The following THBS2 variants were observed in gnomAD, a reference collection of about 807,000 sequenced individuals.
The protein encoded by THBS2 is thrombospondin 2.
Under a neutral mutation model 135.2 loss-of-function variants are expected in THBS2, and 47 were observed. That is an observed-to-expected ratio of 0.35 (90% confidence interval 0.28 to 0.44). The LOEUF is 0.44. Among genes scored for constraint, THBS2 ranks in the 20% least tolerant of loss-of-function variants. The probability of loss-of-function intolerance (pLI) is 1.00; values close to 1 mark genes in which losing one functional copy is unlikely to be tolerated. For synonymous variants in THBS2, 639 were observed against 633.8 expected (o/e 1.01, Z -0.12); for missense variants, 1,288 against 1,603.1 (o/e 0.80, Z 3.36).
At chr6:169,218,587 A>ATGGGTGGGTGTG (rs1394605655) in intron 21 of THBS2, among the ~76,000 whole-genome samples, 2 of 91,502 alleles carry the variant, frequency 2.2e-5, no homozygotes, top group African/African-American at 8.7e-5. Context: ...GATGGATGAG[A>ATGGGTGGGTGTG]TGGGTGGGTG....
chr6:169,228,219 G>A lies in THBS2; in HGVS notation c.2322C>T (p.Asp774=), dbSNP rs1779711128. 1 of 1,614,094 alleles carries A rather than the reference G, an allele frequency of 6.2e-7. No individual in the cohort carries two copies. Among genetic ancestry groups the A allele is most frequent in the South Asian group, 1.1e-5 (1 of 91,096 alleles). ...QADYDKDEVG[D]RCDNCPYVHN... ...GCACGTAAGGGCAGTTGTCACAGCG[G>A]TCCCCAACCTCATCCTTGTCATAGT... Residue 774 remains aspartate (D), a synonymous_variant, in exon 15 of 22, where the codon GAC becomes GAT. Coordinates refer to ENST00000617924, the MANE Select transcript of THBS2 (RefSeq NM_003247.5).
intron 9 of THBS2, 99 bp from the exon 10 acceptor site, chr6:169,235,006 C>T: frequency 1.7e-6 from 2 of 1,199,156 alleles, no homozygotes; most frequent in East Asian, 2.6e-5. Context: ...ACATGGTGTT[C>T]CCTACACAGC....
At chr6:169,244,164 GT>G (rs34458367) in intron 4 of THBS2, among the ~76,000 whole-genome samples, 38,331 of 119,890 alleles carry the variant, frequency 0.32, 4,091 homozygotes, top group East Asian at 0.48. Context: ...ATTTCTCTGT[GT>G]TTTTTTTTTT....
intron 8 of THBS2, 96 bp downstream of exon 8, chr6:169,237,529 G>C (rs769109570): frequency 1.3e-6 from 2 of 1,563,986 alleles, no homozygotes; most frequent in Non-Finnish European, 1.7e-6. Context: ...CCAGCACCTC[G>C]TGAGGGCAGC....
At chr6:169,243,022 T>TC (rs1780406744) in intron 4 of THBS2, among the ~76,000 whole-genome samples, 1 of 90,754 alleles carries the variant, frequency 1.1e-5, no homozygotes. Flanking sequence ...CATTCCCACC[T>TC]TCCCACCTTC....
chr6:169,222,427 A>C lies in THBS2; in HGVS notation c.3043T>G (p.Tyr1015Asp). 1.9e-6 allele frequency: 3 copies of C among 1,613,816 alleles called. No homozygotes were observed. The highest frequency in any genetic ancestry group is 8.5e-7 in the Non-Finnish European group (1 of 1,180,028). Residue 1015 changes from tyrosine to aspartate, a missense_variant, in exon 19 of 22, where the codon TAC (tyrosine) becomes GAC (aspartate). Around this residue, in one of 2 missense-constraint regions of THBS2, gnomAD observed 874 missense variants for 1,156.1 expected, o/e 0.76. Transcript: ENST00000617924. ...TCGTCGTCCCGGTCAGTGTTTACGT[A>C]GAATGTGCCACTGAAGTCCACAGAC... ...FGSVDFSGTF[Y>D]VNTDRDDDYA...
intron 21 of THBS2, 35 bp downstream of exon 21, chr6:169,220,163 T>A (rs370390127): frequency 6.2e-7 from 1 of 1,601,956 alleles, no homozygotes; most frequent in Non-Finnish European, 8.5e-7. Context: ...GGGTGCCACA[T>A]GCCTTCCCCA....
At chr6:169,227,753 G>T (rs1779690578) in intron 15 of THBS2, among the ~76,000 whole-genome samples, 1 of 152,086 alleles carries the variant, frequency 6.6e-6, no homozygotes, top group Non-Finnish European at 1.5e-5. Flanking sequence ...AATAAAACAT[G>T]AAACTTGCCA....
intron 13 of THBS2, 120 bp downstream of exon 13, chr6:169,231,860 G>T: frequency 1.0e-6 from 1 of 957,200 alleles, no homozygotes; most frequent in Non-Finnish European, 1.5e-6. Flanking sequence ...CAAGAGGCCT[G>T]AGAGACCCTC....
chr6:169,243,458 C>T lies in THBS2; in HGVS notation c.695-1500G>A, dbSNP rs150471026. On this transcript the variant is annotated intron_variant, in intron 4 of 21. Coordinates refer to ENST00000617924, the MANE Select transcript of THBS2 (RefSeq NM_003247.5). ...CATCTTTGAAATGCCTGACTTCTCT[C>T]GGACAGTCCATTATTGAGGAAAGAC... 3.5e-3 allele frequency among the ~76,000 whole-genome samples: 534 copies of T among 152,316 alleles called. 2 individuals carry two copies. The highest frequency in any genetic ancestry group is 5.6e-3 in the Non-Finnish European group (380 of 68,032).
chr6:169,223,947 C>T (rs761571889), intron 17 of THBS2, among the ~76,000 whole-genome samples: 20 of 152,250 alleles, frequency 1.3e-4, no homozygotes, highest in Admixed American at 2.6e-4. Context: ...CATGGACTTC[C>T]GCTGTTTAGT....
In THBS2 at chr6:169,217,600, T is replaced by C; in HGVS notation, c.*222A>G. On this transcript the variant is annotated 3_prime_UTR_variant, in exon 22 of 22. Coordinates refer to ENST00000617924, the MANE Select transcript of THBS2 (RefSeq NM_003247.5). ...AAAGTCTCATATATCACCAAACTGG[T>C]TTCCTCTAGTGGGTTAGATGTTCAT... 2.1e-6 allele frequency: 1 copy of C among 486,706 alleles called. No homozygotes were observed. The highest frequency in any genetic ancestry group is 3.7e-6 in the Non-Finnish European group (1 of 270,978). The allele number at this position is 486,706 out of a possible 1,614,324, so 30.1% of individuals were successfully genotyped here. A position where few individuals can be genotyped will look rare whatever the true frequency, so the allele number is the denominator to read the frequency against.
intron 9 of THBS2, 126 bp downstream of exon 9, chr6:169,237,044 G>A: frequency 4.5e-6 from 5 of 1,117,324 alleles, no homozygotes; most frequent in Non-Finnish European, 6.2e-6. Flanking sequence ...CCCCTTTGCT[G>A]CTCGGCTGGG....
chr6:169,253,744 A>G lies in THBS2; in HGVS notation c.-43T>C, dbSNP rs374212437. ...CGTACCTGGTTTGCCAAAAAGATGCAGTGATGACTGGTTTCAGTGTTCCGG... is the reference window on the plus strand; with the variant it reads ...CGTACCTGGTTTGCCAAAAAGATGCGGTGATGACTGGTTTCAGTGTTCCGG... On this transcript the variant is annotated 5_prime_UTR_variant, in exon 1 of 22. Transcript: ENST00000617924. 25 of 152,404 alleles carry G rather than the reference A, an allele frequency of 1.6e-4. No homozygotes were observed. The highest frequency in any genetic ancestry group is 5.8e-4 in the African/African-American group (24 of 41,594). The allele number at this position is 152,404 out of a possible 1,614,324, so 9.4% of individuals were successfully genotyped here.
At chr6:169,237,382 G>A (rs1196508105) in intron 8 of THBS2, 36 bp from the exon 9 acceptor site, 19 of 1,610,138 alleles carry the variant, frequency 1.2e-5, no homozygotes, top group Middle Eastern at 1.6e-4. Flanking sequence ...AGGCTGTGCC[G>A]CCTAGAGGGG....
rs1779460091 is a variant in THBS2 at position 169,222,426 on chromosome 6, T to C, written c.3044A>G (p.Tyr1015Cys). 1.9e-6 allele frequency: 3 copies of C among 1,613,794 alleles called. No individual in the cohort carries two copies. Among genetic ancestry groups the C allele is most frequent in the Non-Finnish European group, 2.5e-6 (3 of 1,180,040 alleles). The change falls in exon 19 of 22, where the codon TAC becomes TGC. Residue 1015 changes from tyrosine (Y) to cysteine (C), a missense_variant. Around this residue, in one of 2 missense-constraint regions of THBS2, gnomAD observed 874 missense variants for 1,156.1 expected, o/e 0.76. Coordinates refer to ENST00000617924, the MANE Select transcript of THBS2 (RefSeq NM_003247.5). ...GTCGTCGTCCCGGTCAGTGTTTACG[T>C]AGAATGTGCCACTGAAGTCCACAGA... ...FGSVDFSGTF[Y>C]VNTDRDDDYA...
At chr6:169,243,011 A>C in intron 4 of THBS2, among the ~76,000 whole-genome samples, 2 of 66,860 alleles carry the variant, frequency 3.0e-5, no homozygotes, top group African/African-American at 6.2e-5. Flanking sequence ...CCACCTTCCC[A>C]CATTCCCACC....
intron 7 of THBS2, 86 bp from the exon 8 acceptor site, chr6:169,237,881 G>T: frequency 6.9e-7 from 1 of 1,438,984 alleles, no homozygotes; most frequent in Non-Finnish European, 9.2e-7. Flanking sequence ...AGCTGGCGTG[G>T]GGCCACAGTT....
Position 169,228,135 on chromosome 6 carries a change from G to C in THBS2, c.2406C>G (p.Asp802Glu), listed in dbSNP as rs569945503. The change falls in exon 15 of 22, where the codon GAC (aspartate) becomes GAG (glutamate). Residue 802 changes from aspartate (D) to glutamate (E), a missense_variant. Transcript: ENST00000617924. Reference protein sequence around the residue: ...NNGEGDACSVDIDGDDVFNER... With the variant: ...NNGEGDACSVEIDGDDVFNER... ...AGAAGCACCCACCGTCCCCATCAAT[G>C]TCCACGGAGCAGGCGTCACCCTCTC... The C allele has an allele frequency of 3.7e-6, 6 of 1,612,594 alleles. No homozygotes were observed. In the East Asian group the frequency reaches 1.3e-4, roughly 36 times the overall value.
Sources: allele counts gnomAD v4.1 joint callset (sites outside exome capture counted in the v4.1 genomes callset), GRCh38; gene constraint gnomAD v4.1.1; regional missense constraint gnomAD v4.1.1; transcripts MANE v1.5; gene names NCBI Gene and HGNC (gene_info 2026-07-23, HGNC 2026-07-21).